ENPP6: variants seen among roughly 807,000 people sequenced by gnomAD.
The protein encoded by ENPP6 is ectonucleotide pyrophosphatase/phosphodiesterase 6.
In ENPP6, 32 loss-of-function variants were observed where a neutral mutation model predicts 42.0. The ratio of observed to expected loss-of-function variants is 0.76; its 90% CI spans 0.58 to 1.02. ENPP6 has a LOEUF of 1.02. Among genes scored for constraint, ENPP6 ranks in the 50% least tolerant of loss-of-function variants. The pLI, the probability that ENPP6 is intolerant of heterozygous loss-of-function variation, is 0.00. For synonymous variants in ENPP6, 213 were observed against 216.0 expected (o/e 0.99, Z 0.12); for missense variants, 552 against 566.8 (o/e 0.97, Z 0.27).
intron 1 of ENPP6, among the ~76,000 whole-genome samples, chr4:184,167,516 T>C (rs1277749309): frequency 6.6e-6 from 1 of 152,174 alleles, no homozygotes; most frequent in Non-Finnish European, 1.5e-5. Flanking sequence ...GGAACCCAGC[T>C]CTTAAGGAGT....
chr4:184,198,207 C>T (rs1175134678), intron 1 of ENPP6, among the ~76,000 whole-genome samples: 1 of 152,258 alleles, frequency 6.6e-6, no homozygotes, highest in Non-Finnish European at 1.5e-5. Context: ...AAGGCTTCTG[C>T]CACAGAGCTG....
In ENPP6 at chr4:184,117,893, G is replaced by C. The variant is rs147979605; in HGVS notation, c.541C>G (p.Arg181Gly). The C allele has an allele frequency of 5.0e-6, 8 of 1,613,898 alleles. No individual in the cohort carries two copies. Among genetic ancestry groups the C allele is most frequent in the Non-Finnish European group, 6.8e-6 (8 of 1,179,984 alleles). Residue 181 changes from arginine to glycine, a missense_variant, in exon 4 of 8, where the codon CGG (arginine) becomes GGG (glycine). Transcript: ENST00000296741. ...TGGTATATGGCTGCCAGGTCGGCCC[G>C]GCCACTCCTGGAGGGACAGAGGAGA... ...SDALDSFKSGRADLAAIYHER... is the reference protein window; with the variant it reads ...SDALDSFKSGGADLAAIYHER...
chr4:184,149,492 C>A (rs1736986773), intron 2 of ENPP6, among the ~76,000 whole-genome samples: 1 of 152,192 alleles, frequency 6.6e-6, no homozygotes, highest in East Asian at 1.9e-4. Context: ...GATTGGAAAC[C>A]AGGTGGAAAT....
At chr4:184,157,774 A>ATTTTTTTTTTTTTTT (rs34358499) in intron 1 of ENPP6, among the ~76,000 whole-genome samples, 4 of 122,358 alleles carry the variant, frequency 3.3e-5, no homozygotes, top group Non-Finnish European at 4.9e-5. Context: ...AACTTGGCTA[A>ATTTTTTTTTTTTTTT]TTTTTTTTTT....
At chr4:184,142,024 A>T (rs1209347517) in intron 2 of ENPP6, among the ~76,000 whole-genome samples, 1 of 152,188 alleles carries the variant, frequency 6.6e-6, no homozygotes, top group Non-Finnish European at 1.5e-5. Context: ...TACAGCTGAG[A>T]AAACAGAGGC....
At chr4:184,195,510 G>A (rs567449210) in intron 1 of ENPP6, among the ~76,000 whole-genome samples, 25 of 152,292 alleles carry the variant, frequency 1.6e-4, no homozygotes, top group Middle Eastern at 3.4e-3. Context: ...TCACACTGCT[G>A]TATAATCATC....
chr4:184,132,814 T>C (rs1025712439), intron 2 of ENPP6, among the ~76,000 whole-genome samples: 1 of 73,820 alleles, frequency 1.4e-5, no homozygotes, highest in African/African-American at 6.5e-5. Context: ...CATATATACA[T>C]ATATACACAC....
rs547849501 is a variant in ENPP6, at chr4:184,193,373, A to G, written c.241+24206T>C. Among the ~76,000 whole-genome samples the G allele has an allele frequency of 5.3e-5, 8 of 152,366 alleles. No homozygotes were observed. The South Asian group carries it at 1.2e-3, about 24-fold the overall frequency. On this transcript the variant is annotated intron_variant, in intron 1 of 7. Transcript: ENST00000296741. ...TTAGAGTTACTGAATGAAAGCAGCC[A>G]GACCCAACAGAACACATATTGTATG...
rs541584293 is a variant in ENPP6 at position 184,193,289 on chromosome 4, C to T, written c.241+24290G>A. Among the ~76,000 whole-genome samples the T allele has an allele frequency of 2.0e-5, 3 of 152,272 alleles. No homozygotes were observed. The South Asian group carries it at 6.2e-4, about 32-fold the overall frequency. ...CAAAATGTGGCCTATCCACACAGTG[C>T]AATAGTTGGCAATAAAAGGAGAAAC... On this transcript the variant is annotated intron_variant, in intron 1 of 7. Coordinates refer to ENST00000296741, the MANE Select transcript of ENPP6 (RefSeq NM_153343.4).
chr4:184,151,584 A>T (rs1247957181), intron 2 of ENPP6, among the ~76,000 whole-genome samples: 2 of 152,198 alleles, frequency 1.3e-5, no homozygotes, highest in African/African-American at 4.8e-5. Context: ...AGATAGTGAA[A>T]GTCAAACTAT....
chr4:184,214,339 T>A (rs1025696381), intron 1 of ENPP6, among the ~76,000 whole-genome samples: 2 of 152,208 alleles, frequency 1.3e-5, no homozygotes, highest in African/African-American at 4.8e-5. Flanking sequence ...TTTGTCCTGA[T>A]ATAAACATGT....
chr4:184,094,885 C>A (rs539358182), intron 7 of ENPP6, among the ~76,000 whole-genome samples: 12 of 152,366 alleles, frequency 7.9e-5, no homozygotes, highest in Admixed American at 7.8e-4. Flanking sequence ...ACTTCCCTTT[C>A]TCTTTGCTGG....
chr4:184,194,837 G>C (rs1404783347), intron 1 of ENPP6, among the ~76,000 whole-genome samples: 6 of 152,192 alleles, frequency 3.9e-5, no homozygotes, highest in Non-Finnish European at 1.5e-5. Flanking sequence ...ACATGGACTG[G>C]CACATGGGCG....
At chr4:184,150,253 G>C (rs984895717) in intron 2 of ENPP6, among the ~76,000 whole-genome samples, 1 of 152,080 alleles carries the variant, frequency 6.6e-6, no homozygotes, top group Non-Finnish European at 1.5e-5. Context: ...TTCACTGTGG[G>C]TCAATTTTTC....
At chr4:184,112,631 A>C in intron 6 of ENPP6, 41 bp downstream of exon 6, 1 of 1,593,844 alleles carries the variant, frequency 6.3e-7, no homozygotes, top group Non-Finnish European at 8.5e-7. Context: ...TGTTTTATAG[A>C]ATTTGCATAG....
intron 1 of ENPP6, among the ~76,000 whole-genome samples, chr4:184,164,785 C>T (rs923020464): frequency 1.3e-5 from 2 of 152,212 alleles, no homozygotes; most frequent in Non-Finnish European, 2.9e-5. Flanking sequence ...CCCCGCTTTC[C>T]AGGTAAAGTA....
intron 1 of ENPP6, among the ~76,000 whole-genome samples, chr4:184,155,252 G>A (rs191357604): frequency 9.2e-4 from 140 of 152,298 alleles, no homozygotes; most frequent in Non-Finnish European, 1.4e-3. Flanking sequence ...CATATTAAGA[G>A]AGCCCCTCTT....
intron 1 of ENPP6, among the ~76,000 whole-genome samples, chr4:184,208,018 T>TTTTAG (rs765933673): frequency 2.0e-5 from 3 of 152,038 alleles, no homozygotes; most frequent in African/African-American, 4.8e-5. Flanking sequence ...TTTAACTTGG[T>TTTTAG]CACCTTTAAA....
At chr4:184,100,015 T>G (rs901130294) in intron 6 of ENPP6, among the ~76,000 whole-genome samples, 1 of 152,348 alleles carries the variant, frequency 6.6e-6, no homozygotes, top group East Asian at 1.9e-4. Context: ...GATTTAAGAC[T>G]TACAGCCTAG....
Sources: gnomAD v4.1 joint callset for allele counts (sites outside exome capture counted in the v4.1 genomes callset) on GRCh38, gnomAD v4.1.1 for gene constraint, MANE v1.5 for transcripts, NCBI Gene and HGNC (gene_info 2026-07-23, HGNC 2026-07-21) for gene names.